GRM7: variants seen among roughly 807,000 people sequenced by gnomAD.
GRM7 encodes the protein glutamate metabotropic receptor 7, also known as metabotropic glutamate receptor 7.
Under a neutral mutation model 84.5 loss-of-function variants are expected in GRM7, and 35 were observed. The observed-to-expected ratio is 0.41, with a 90% CI of 0.32 to 0.55. GRM7 has a LOEUF of 0.55. GRM7 is among the 20% of genes least tolerant of loss of function. The pLI, the probability that GRM7 is intolerant of heterozygous loss-of-function variation, is 0.19. For synonymous variants in GRM7, 487 were observed against 455.1 expected (o/e 1.07, Z -0.89); for missense variants, 1,003 against 1,194.6 (o/e 0.84, Z 2.36).
chr3:7,646,305 C>G (rs1215353063), intron 8 of GRM7, among the ~76,000 whole-genome samples: 2 of 152,174 alleles, frequency 1.3e-5, no homozygotes, highest in Non-Finnish European at 2.9e-5. Flanking sequence ...AATTATCCTG[C>G]CTCAGCCTCC....
At chr3:7,358,044 C>G (rs951256458) in intron 4 of GRM7, among the ~76,000 whole-genome samples, 1 of 152,094 alleles carries the variant, frequency 6.6e-6, no homozygotes, top group African/African-American at 2.4e-5. Flanking sequence ...CTCTCATCCC[C>G]TCTTTTCCTC....
intron 1 of GRM7, among the ~76,000 whole-genome samples, chr3:6,899,064 T>A (rs959400019): frequency 6.6e-6 from 1 of 152,118 alleles, no homozygotes; most frequent in Non-Finnish European, 1.5e-5. Context: ...GCTGTGAGGA[T>A]CTAATAAGAA....
At chr3:7,201,515 A>G (rs1696069014) in intron 2 of GRM7, among the ~76,000 whole-genome samples, 1 of 152,174 alleles carries the variant, frequency 6.6e-6, no homozygotes, top group African/African-American at 2.4e-5. Context: ...TATAGAGGCC[A>G]CAAGTTGAAG....
chr3:7,607,071 C>T (rs1387793217), intron 8 of GRM7: 1 of 152,016 alleles, frequency 6.6e-6, no homozygotes, highest in Non-Finnish European at 1.5e-5. Context: ...TTATAAAAAC[C>T]AAGGCAGATG....
In GRM7 at chr3:7,188,099, A is replaced by G. The variant is rs189619201; in HGVS notation, c.736+41431A>G. Among the ~76,000 whole-genome samples, 21 of 152,252 alleles carry G rather than the reference A, an allele frequency of 1.4e-4. No homozygotes were observed. Among genetic ancestry groups the G allele is most frequent in the African/African-American group, 5.1e-4 (21 of 41,558 alleles). On this transcript the variant is annotated intron_variant, in intron 2 of 9. Coordinates refer to ENST00000357716, the MANE Select transcript of GRM7 (RefSeq NM_000844.4). The surrounding 1 kb of genome is among the most constrained non-coding windows in gnomAD (Gnocchi z 4.2). Reference sequence around the variant, plus strand: ...GAATGATGTGGGGTGGGTATTGGCTATTATACTTAGCATTATACTTGGGCA... The same window carrying G: ...GAATGATGTGGGGTGGGTATTGGCTGTTATACTTAGCATTATACTTGGGCA...
intron 4 of GRM7, among the ~76,000 whole-genome samples, chr3:7,354,606 A>C (rs1229047312): frequency 6.6e-6 from 1 of 152,136 alleles, no homozygotes; most frequent in Non-Finnish European, 1.5e-5. Flanking sequence ...CAAGGACTTG[A>C]CAGATGTAGG....
At chr3:7,712,065 C>T (rs1364161953) in intron 9 of GRM7, among the ~76,000 whole-genome samples, 1 of 152,186 alleles carries the variant, frequency 6.6e-6, no homozygotes, top group Non-Finnish European at 1.5e-5. Context: ...ATGAGCACTC[C>T]AGGAGAAACT....
rs1165234212 is a variant in GRM7 at position 7,713,114 on chromosome 3, A to ATTTT, written c.2699-27242_2699-27239dup. 1.3e-4 allele frequency among the ~76,000 whole-genome samples: 17 copies of ATTTT among 129,900 alleles called. 2 individuals carry two copies. Among genetic ancestry groups the ATTTT allele is most frequent in the African/African-American group, 4.4e-4 (14 of 32,118 alleles). 85.2% of individuals were successfully genotyped at this position (129,900 alleles called of 152,430 possible). ...ATATTCACAGATAGAGAGGATTCGAATTTTGTTTTGTTTTTTTTTTTTTTT... is the reference window on the plus strand; with the variant it reads ...ATATTCACAGATAGAGAGGATTCGAATTTTTTTTGTTTTGTTTTTTTTTTTTTTT... On this transcript the variant is annotated intron_variant, in intron 9 of 9. Transcript: ENST00000357716.
chr3:6,981,856 T>A (rs1459935446), intron 1 of GRM7, among the ~76,000 whole-genome samples: 2 of 152,154 alleles, frequency 1.3e-5, no homozygotes, highest in Non-Finnish European at 2.9e-5. Flanking sequence ...CTGGTGGGAA[T>A]GTAAATTAGT....
chr3:7,294,398 C>T (rs996205529), intron 2 of GRM7, among the ~76,000 whole-genome samples: 1 of 152,128 alleles, frequency 6.6e-6, no homozygotes, highest in African/African-American at 2.4e-5. Context: ...CCTCTATCCT[C>T]CATAATGCTT....
At chr3:7,638,471 T>C (rs970334624) in intron 8 of GRM7, among the ~76,000 whole-genome samples, 4 of 152,166 alleles carry the variant, frequency 2.6e-5, no homozygotes, top group Admixed American at 2.6e-4. Flanking sequence ...TTGATGATAA[T>C]AAAAGTGGGA....
At chr3:7,639,174 T>C (rs181650614) in intron 8 of GRM7, among the ~76,000 whole-genome samples, 14 of 152,304 alleles carry the variant, frequency 9.2e-5, no homozygotes, top group African/African-American at 3.1e-4. Flanking sequence ...TCCACTATCA[T>C]TCAATATGTC....
At chr3:7,531,077 G>C (rs1348655153) in intron 7 of GRM7, among the ~76,000 whole-genome samples, 2 of 152,028 alleles carry the variant, frequency 1.3e-5, no homozygotes, top group African/African-American at 4.8e-5. Context: ...TTATGTTTTA[G>C]GTCTTATGTT....
intron 1 of GRM7, among the ~76,000 whole-genome samples, chr3:7,094,907 T>A (rs958639419): frequency 3.9e-5 from 6 of 152,118 alleles, no homozygotes; most frequent in Non-Finnish European, 7.4e-5. Flanking sequence ...TTACAGTATT[T>A]AGCCCATAGA....
intron 7 of GRM7, among the ~76,000 whole-genome samples, chr3:7,505,340 C>T (rs1700008238): frequency 6.6e-6 from 1 of 152,200 alleles, no homozygotes; most frequent in African/African-American, 2.4e-5. Flanking sequence ...ACTGGTGGCT[C>T]TACAATTCTT....
intron 1 of GRM7, among the ~76,000 whole-genome samples, chr3:6,887,711 A>G (rs1429782572): frequency 2.0e-5 from 3 of 152,170 alleles, no homozygotes; most frequent in Non-Finnish European, 4.4e-5. Flanking sequence ...GTGTTTTTAT[A>G]GCAGCAGGAT....
intron 1 of GRM7, among the ~76,000 whole-genome samples, chr3:7,136,529 T>C: frequency 6.6e-6 from 1 of 152,086 alleles, no homozygotes; most frequent in South Asian, 2.1e-4. Flanking sequence ...TTCTCCTACA[T>C]TCCCCAAAAA....
chr3:7,064,547 G>GTA lies in GRM7; in HGVS notation c.520-81905_520-81904insTA, dbSNP rs1559415616. On this transcript the variant is annotated intron_variant, in intron 1 of 9. Transcript: ENST00000357716. Reference sequence around the variant, plus strand: ...ACACACACACGCATCCATCATGTATGGATATATATATATATATATATATCA... The same window carrying GTA: ...ACACACACACGCATCCATCATGTATGTAGATATATATATATATATATATATCA... Among the ~76,000 whole-genome samples, 6 of 84,158 alleles carry GTA rather than the reference G, an allele frequency of 7.1e-5. No homozygotes were observed. The South Asian group carries it at 2.1e-3, about 29-fold the overall frequency. The allele number at this position is 84,158 out of a possible 152,430, so 55.2% of individuals were successfully genotyped here. A position where few individuals can be genotyped will look rare whatever the true frequency, so the allele number is the denominator to read the frequency against.
At chr3:7,455,053 ACTGAAGTGGT>A (rs1697947415) in intron 6 of GRM7, among the ~76,000 whole-genome samples, 2 of 152,122 alleles carry the variant, frequency 1.3e-5, no homozygotes, top group Non-Finnish European at 2.9e-5. Context: ...GTTCTCAAAA[ACTGAAGTGGT>A]CATGTTGAAA....
Sources: gnomAD v4.1 joint callset for allele counts (sites outside exome capture counted in the v4.1 genomes callset) on GRCh38, gnomAD v4.1.1 for gene constraint, Gnocchi (gnomAD v3.1) non-coding constraint, MANE v1.5 for transcripts, NCBI Gene and HGNC (gene_info 2026-07-23, HGNC 2026-07-21) for gene names.